The following LSM14B variants were observed in gnomAD, a reference collection of about 807,000 sequenced individuals.
LSM14B encodes protein LSM14 homolog B.
A neutral mutation model predicts 42.1 loss-of-function variants in LSM14B; 8 were observed. The observed-to-expected ratio is 0.19, with a 90% CI of 0.11 to 0.34. LSM14B has a LOEUF of 0.34. Among genes scored for constraint, LSM14B ranks in the 10% least tolerant of loss-of-function variants. The pLI, the probability that LSM14B is intolerant of heterozygous loss-of-function variation, is 1.00. For synonymous variants in LSM14B, 219 were observed against 209.7 expected (o/e 1.04, Z -0.38); for missense variants, 396 against 513.1 (o/e 0.77, Z 2.21).
intron 7 of LSM14B, 21 bp from the exon 8 acceptor site, chr20:62,133,269 A>C: frequency 6.2e-7 from 1 of 1,610,796 alleles, no homozygotes; most frequent in Non-Finnish European, 8.5e-7. Context: ...TGCTACAATC[A>C]GCATTTCCTC....
intron 3 of LSM14B, among the ~76,000 whole-genome samples, chr20:62,126,958 C>T (rs897455359): frequency 3.9e-5 from 6 of 152,178 alleles, no homozygotes; most frequent in Non-Finnish European, 7.3e-5. Context: ...GATTGCACCA[C>T]TGCACTCTAG....
In LSM14B at chr20:62,126,406, C is replaced by T. The variant is rs2056606963; in HGVS notation, c.394C>T (p.Leu132Phe). 1.9e-6 allele frequency: 3 copies of T among 1,611,214 alleles called. No homozygotes were observed. Among genetic ancestry groups the T allele is most frequent in the Non-Finnish European group, 2.5e-6 (3 of 1,179,808 alleles). ...PYGPLAASSLLSQQYAASLGL... is the reference protein window; with the variant it reads ...PYGPLAASSLFSQQYAASLGL... ...CGGCCCGCTGGCGGCCAGCTCCCTG[C>T]TCAGCCAGCAGTATGCCGCCTCCCT... is the stretch of plus-strand genomic sequence containing the variant. Residue 132 changes from leucine to phenylalanine, a missense_variant, in exon 3 of 9, where the codon CTC becomes TTC. Around this residue, in one of 3 missense-constraint regions of LSM14B, gnomAD observed 274 missense variants for 335.8 expected, o/e 0.82. Transcript: ENST00000279068.
At chr20:62,124,807 A>G (rs2056536123) in intron 2 of LSM14B, 27 bp downstream of exon 2, 4 of 1,598,996 alleles carry the variant, frequency 2.5e-6, no homozygotes, top group African/African-American at 2.7e-5. Flanking sequence ...CCCTCTGTGC[A>G]TGCTGTAGGA....
Position 62,122,893 on chromosome 20 carries a change from C to T in LSM14B, c.127+100C>T. On this transcript the variant is annotated intron_variant, in intron 1 of 8. Transcript: ENST00000279068. This position sits in a 1 kb window ranked among gnomAD's most constrained non-coding sequence, Gnocchi z 4.6. The stretch of plus-strand genomic sequence containing the variant: ...CCGGGGCGCCCCGGAGCCTGGCGCC[C>T]AGACCCCGCCCAGAACCCACCCAGG... 2 of 1,133,670 alleles carry T rather than the reference C, an allele frequency of 1.8e-6. No homozygotes were observed. The highest frequency in any genetic ancestry group is 1.7e-5 in the African/African-American group (1 of 59,642). 70.2% of individuals were successfully genotyped at this position (1,133,670 alleles called of 1,614,324 possible).
Position 62,133,352 on chromosome 20 carries a change from G to A in LSM14B, c.1049G>A (p.Gly350Glu). ...AACACAGAGACCTTTGGGGTGTCAG[G>A]GAGGTTTCTTCGTGGCCGCAGTTCT... is the stretch of plus-strand genomic sequence containing the variant. ...KLNTETFGVSGRFLRGRSSRG... is the reference protein window; with the variant it reads ...KLNTETFGVSERFLRGRSSRG... Residue 350 changes from glycine (G) to glutamate (E), a missense_variant, in exon 8 of 9, where the codon GGG (glycine) becomes GAG (glutamate). Gly to Glu is a moderately conservative substitution (Grantham distance 98, BLOSUM62 -2). Coordinates refer to ENST00000279068, the MANE Select transcript of LSM14B (RefSeq NM_144703.3). 6.2e-7 allele frequency: 1 copy of A among 1,613,578 alleles called. No individual in the cohort carries two copies. The highest frequency in any genetic ancestry group is 8.5e-7 in the Non-Finnish European group (1 of 1,179,664).
chr20:62,129,700 A>G (rs946921512), intron 3 of LSM14B, 85 bp from the exon 4 acceptor site: 25 of 1,389,106 alleles, frequency 1.8e-5, no homozygotes, highest in Non-Finnish European at 2.3e-5. Context: ...CCTTCCTGAC[A>G]TGCCAGCAGA....
rs1275963655 is a variant in LSM14B, at chr20:62,133,489, C to T, written c.*14+14C>T. ...GTGCAGCCAAAGGTGAGTGGATGAA[C>T]CTTCTGGACGCTTTGGTGGGAGGGT... On this transcript the variant is annotated intron_variant, in intron 8 of 8. Transcript: ENST00000279068. 1.9e-6 allele frequency: 3 copies of T among 1,603,138 alleles called. No homozygotes were observed. In the African/African-American group the frequency reaches 4.1e-5, roughly 22 times the overall value.
rs2056726104 is a variant in LSM14B at position 62,130,188 on chromosome 20, C to T, written c.596-31C>T. On this transcript the variant is annotated intron_variant, in intron 4 of 8. Transcript: ENST00000279068. The surrounding 1 kb of genome is among the most constrained non-coding windows in gnomAD (Gnocchi z 4.1). The stretch of plus-strand genomic sequence containing the variant: ...TTCTGGCTTCCGGCTGCTATAGGAG[C>T]TTTGCCTTACTCTTCCCTTTTGCGC... 6.4e-7 allele frequency: 1 copy of T among 1,568,912 alleles called. No individual in the cohort carries two copies. The highest frequency in any genetic ancestry group is 1.4e-5 in the African/African-American group (1 of 73,742).
chr20:62,130,154 A>G lies in LSM14B; in HGVS notation c.596-65A>G. 1.3e-6 allele frequency: 2 copies of G among 1,544,708 alleles called. No individual in the cohort carries two copies. The highest frequency in any genetic ancestry group is 2.0e-5 in the Admixed American group (1 of 51,048). ...CCCCATGGTGGTGGGGCCTGCTTCC[A>G]CAGCTGGGTTCTGGCTTCCGGCTGC... On this transcript the variant is annotated intron_variant, in intron 4 of 8. Transcript: ENST00000279068. This position sits in a 1 kb window ranked among gnomAD's most constrained non-coding sequence, Gnocchi z 4.1.
intron 3 of LSM14B, among the ~76,000 whole-genome samples, chr20:62,128,368 G>A (rs1016907548): frequency 1.3e-5 from 2 of 152,182 alleles, no homozygotes; most frequent in African/African-American, 4.8e-5. Context: ...GCCATTACCC[G>A]GCCCTGGTCC....
At chr20:62,125,506 C>T (rs897117314) in intron 2 of LSM14B, among the ~76,000 whole-genome samples, 3 of 152,346 alleles carry the variant, frequency 2.0e-5, no homozygotes, top group African/African-American at 4.8e-5. Flanking sequence ...TACGCCCAGT[C>T]GTTACATGCT....
Position 62,126,365 on chromosome 20 carries a change from G to A in LSM14B, c.353G>A (p.Arg118Gln), listed in dbSNP as rs773006730. 8.1e-6 allele frequency: 13 copies of A among 1,613,156 alleles called. No homozygotes were observed. Among genetic ancestry groups the A allele is most frequent in the Non-Finnish European group, 1.0e-5 (12 of 1,179,908 alleles). The change falls in exon 3 of 9, where the codon CGA becomes CAA. Residue 118 changes from arginine (R) to glutamine (Q), a missense_variant. This residue lies in a region of LSM14B where 274 missense variants were observed against 335.8 expected (regional missense o/e 0.82). Transcript: ENST00000279068. ...CCGCACGTGCCTTACAGCCCTTTCC[G>A]AGGGATGGCGCCCTACGGCCCGCTG... The part of the protein sequence containing the change: ...FQPHVPYSPF[R>Q]GMAPYGPLAA...
intron 3 of LSM14B, chr20:62,129,012 A>C (rs1035814653): frequency 2.3e-6 from 3 of 1,303,172 alleles, no homozygotes; most frequent in Non-Finnish European, 2.0e-6. Flanking sequence ...GGAACCTTGG[A>C]AAGGGAGGAG....
At chr20:62,132,948 C>T (rs536327349) in intron 7 of LSM14B, among the ~76,000 whole-genome samples, 1 of 152,324 alleles carries the variant, frequency 6.6e-6, no homozygotes, top group South Asian at 2.1e-4. Flanking sequence ...GGTCCGGTCT[C>T]AGGTCTCCTG....
chr20:62,133,612 G>C (rs1457279969), intron 8 of LSM14B, 137 bp downstream of exon 8: 1 of 1,000,112 alleles, frequency 1.0e-6, no homozygotes, highest in African/African-American at 1.7e-5. Context: ...CAAACCGAGG[G>C]CCTCGACCCT....
intron 3 of LSM14B, among the ~76,000 whole-genome samples, chr20:62,129,187 C>A (rs1314529507): frequency 2.0e-5 from 3 of 152,228 alleles, no homozygotes; most frequent in Non-Finnish European, 4.4e-5. Flanking sequence ...AGCCTTTGCC[C>A]TTGAGAGAAG....
Position 62,130,197 on chromosome 20 carries a change from A to ACT in LSM14B, c.596-19_596-18dup, listed in dbSNP as rs1456680744. The stretch of plus-strand genomic sequence containing the variant: ...CCGGCTGCTATAGGAGCTTTGCCTT[A>ACT]CTCTTCCCTTTTGCGCCGTAGATGT... On this transcript the variant is annotated intron_variant, in intron 4 of 8. Coordinates refer to ENST00000279068, the MANE Select transcript of LSM14B (RefSeq NM_144703.3). This position sits in a 1 kb window ranked among gnomAD's most constrained non-coding sequence, Gnocchi z 4.1. 6.3e-7 allele frequency: 1 copy of ACT among 1,578,596 alleles called. No individual in the cohort carries two copies. Among genetic ancestry groups the ACT allele is most frequent in the Admixed American group, 1.8e-5 (1 of 54,612 alleles).
chr20:62,131,619 A>G, intron 7 of LSM14B, 113 bp downstream of exon 7: 2 of 1,371,276 alleles, frequency 1.5e-6, no homozygotes, highest in Non-Finnish European at 1.0e-6. Flanking sequence ...TAGCTGTTCT[A>G]GGGTCCTGCT....
At chr20:62,133,678 T>C (rs6089658) in intron 8 of LSM14B, among the ~76,000 whole-genome samples, 100,345 of 152,144 alleles carry the variant, frequency 0.66, 36,261 homozygotes, top group Non-Finnish European at 0.8. Context: ...GGGGGTAGGA[T>C]CCAGGCCCCA....
Sources: gnomAD v4.1 joint callset for allele counts (sites outside exome capture counted in the v4.1 genomes callset) on GRCh38, gnomAD v4.1.1 for gene constraint, gnomAD v4.1.1 regional missense constraint, Gnocchi (gnomAD v3.1) non-coding constraint, MANE v1.5 for transcripts, NCBI Gene and HGNC (gene_info 2026-07-23, HGNC 2026-07-21) for gene names.